Variants in CLEC12B observed in about 807,000 individuals in gnomAD.
CLEC12B encodes the protein macrophage antigen h.
Under a neutral mutation model 36.1 loss-of-function variants are expected in CLEC12B, and 25 were observed. The observed-to-expected ratio is 0.69, with a 90% CI of 0.50 to 0.97. The LOEUF is 0.97. Ranked by LOEUF, CLEC12B falls within the 50% of genes least tolerant of loss-of-function variation. The pLI, the probability that CLEC12B is intolerant of heterozygous loss-of-function variation, is 0.00. For synonymous variants in CLEC12B, 110 were observed against 108.5 expected (o/e 1.01, Z -0.09); for missense variants, 325 against 318.4 (o/e 1.02, Z -0.16).
intron 2 of CLEC12B, among the ~76,000 whole-genome samples, chr12:10,013,684 C>T (rs1042319157): frequency 1.3e-5 from 2 of 152,116 alleles, no homozygotes; most frequent in African/African-American, 2.4e-5. Context: ...TCCTCTGCTA[C>T]ATTCATTTCT....
chr12:10,016,866 C>T (rs1865498518), intron 5 of CLEC12B: 1 of 437,850 alleles, frequency 2.3e-6, no homozygotes, highest in African/African-American at 2.1e-5. Flanking sequence ...AACACTAGGT[C>T]TTACTTCTTC....
chr12:10,018,631 C>T lies in CLEC12B; in HGVS notation c.*150C>T. The stretch of plus-strand genomic sequence containing the variant: ...AAATGAACTTGTTTAACAGAACATT[C>T]TCCAGTTCCTTGTCTGACGTCTTCT... On this transcript the variant is annotated 3_prime_UTR_variant, in exon 6 of 6. Coordinates refer to ENST00000338896, the MANE Select transcript of CLEC12B (RefSeq NM_001129998.3). 1 of 655,172 alleles carries T rather than the reference C, an allele frequency of 1.5e-6. No individual in the cohort carries two copies. Among genetic ancestry groups the T allele is most frequent in the Non-Finnish European group, 2.6e-6 (1 of 385,816 alleles). The allele number at this position is 655,172 out of a possible 1,614,324, so 40.6% of individuals were successfully genotyped here.
chr12:10,008,653 C>T (rs1865257838), upstream of CLEC12B, among the ~76,000 whole-genome samples: 1 of 152,102 alleles, frequency 6.6e-6, no homozygotes, highest in Admixed American at 6.5e-5. Context: ...TATGATCATA[C>T]ACTAATAATG....
chr12:10,006,439 T>C (rs1432282240), upstream of CLEC12B, among the ~76,000 whole-genome samples: 1 of 151,452 alleles, frequency 6.6e-6, no homozygotes, highest in African/African-American at 2.4e-5. Context: ...CTATTCAATT[T>C]AGTTCATTCC....
At position 10,015,443 on chromosome 12, in the gene CLEC12B, T is replaced by C. The variant is rs140391913; in HGVS notation, c.564+37T>C. ...TCTCATTCTCTAGTTATAGACATTA[T>C]CCATACAATGAGAGAGAAATAAATA... On this transcript the variant is annotated intron_variant, in intron 4 of 5. Transcript: ENST00000338896. The C allele has an allele frequency of 1.4e-3, 2,172 of 1,590,026 alleles. 4 individuals are homozygous for C. Among genetic ancestry groups the C allele is most frequent in the Middle Eastern group, 5.7e-3 (34 of 5,936 alleles).
Position 10,015,356 on chromosome 12 carries a change from T to A in CLEC12B, c.514T>A (p.Cys172Ser). 1.2e-6 allele frequency: 2 copies of A among 1,613,460 alleles called. No homozygotes were observed. Among genetic ancestry groups the A allele is most frequent in the Non-Finnish European group, 1.7e-6 (2 of 1,179,618 alleles). Residue 172 changes from cysteine (C) to serine (S), a missense_variant, in exon 4 of 6, where the codon TGC becomes AGC. Transcript: ENST00000338896. ...EKTWANSRKD[C>S]IDKNSTLVKI... The stretch of plus-strand genomic sequence containing the variant: ...AACCTGGGCTAACAGTAGAAAGGAC[T>A]GCATAGACAAGAACTCCACCCTAGT...
intron 2 of CLEC12B, among the ~76,000 whole-genome samples, chr12:10,013,664 T>C (rs1865395926): frequency 6.6e-6 from 1 of 152,190 alleles, no homozygotes; most frequent in Middle Eastern, 3.2e-3. Context: ...TGCTGAATGA[T>C]ACTAACATCT....
chr12:10,011,204 G>A (rs1490042030), intron 1 of CLEC12B, among the ~76,000 whole-genome samples: 1 of 152,144 alleles, frequency 6.6e-6, no homozygotes, highest in South Asian at 2.1e-4. Context: ...CCAGATTGGA[G>A]GCTTCTAAAA....
At chr12:10,013,683 A>C (rs1009518127) in intron 2 of CLEC12B, among the ~76,000 whole-genome samples, 1 of 152,194 alleles carries the variant, frequency 6.6e-6, no homozygotes, top group Non-Finnish European at 1.5e-5. Context: ...CTCCTCTGCT[A>C]CATTCATTTC....
chr12:10,015,173 T>C, intron 3 of CLEC12B, 79 bp from the exon 4 acceptor site: 1 of 1,185,174 alleles, frequency 8.4e-7, no homozygotes, highest in South Asian at 1.5e-5. Flanking sequence ...ATTGTTCAAT[T>C]ACATGATTTT....
chr12:10,010,696 T>C lies in CLEC12B; in HGVS notation c.-64T>C. ...GCTCCCAGCCTTGAAAAACACATGC[T>C]GTTCCCAGGCCTCAAGATATTGAAA... On this transcript the variant is annotated 5_prime_UTR_variant, in exon 1 of 6. Transcript: ENST00000338896. 2 of 1,072,328 alleles carry C rather than the reference T, an allele frequency of 1.9e-6. No homozygotes were observed. Among genetic ancestry groups the C allele is most frequent in the Non-Finnish European group, 2.8e-6 (2 of 713,720 alleles). The allele number at this position is 1,072,328 out of a possible 1,614,324, so 66.4% of individuals were successfully genotyped here.
chr12:10,006,576 A>G (rs1430525802), upstream of CLEC12B, among the ~76,000 whole-genome samples: 1 of 152,162 alleles, frequency 6.6e-6, no homozygotes, highest in Non-Finnish European at 1.5e-5. Context: ...GTGAAGCAAA[A>G]GGAAAACCAA....
chr12:10,014,400 T>C (rs1865419626), intron 2 of CLEC12B, 123 bp from the exon 3 acceptor site: 1 of 642,256 alleles, frequency 1.6e-6, no homozygotes. Context: ...TCTTTCATGA[T>C]ACCTCAAATA....
chr12:10,014,241 G>A (rs1009495322), intron 2 of CLEC12B, among the ~76,000 whole-genome samples: 3 of 152,134 alleles, frequency 2.0e-5, no homozygotes, highest in Non-Finnish European at 4.4e-5. Flanking sequence ...TCATGAAAAT[G>A]AGTGGCAGAA....
At chr12:10,013,573 G>C (rs1472949027) in intron 2 of CLEC12B, 1 of 152,610 alleles carries the variant, frequency 6.6e-6, no homozygotes, top group Non-Finnish European at 1.5e-5. Context: ...AACTTTATAG[G>C]GTTGTTAAGT....
chr12:10,009,143 C>A (rs566126599), upstream of CLEC12B, among the ~76,000 whole-genome samples: 1 of 152,094 alleles, frequency 6.6e-6, no homozygotes, highest in East Asian at 1.9e-4. Context: ...GCCACCCCAG[C>A]CAGCAGCAGC....
chr12:10,010,715 A>G lies in CLEC12B; in HGVS notation c.-45A>G. On this transcript the variant is annotated 5_prime_UTR_variant, in exon 1 of 6. The change creates a new upstream start codon in the 5' untranslated region. Transcript: ENST00000338896. ...ACATGCTGTTCCCAGGCCTCAAGATATTGAAACATTAATTAGATAATTTAA... is the reference window on the plus strand; with the variant it reads ...ACATGCTGTTCCCAGGCCTCAAGATGTTGAAACATTAATTAGATAATTTAA... 7.7e-7 allele frequency: 1 copy of G among 1,291,656 alleles called. No homozygotes were observed. The highest frequency in any genetic ancestry group is 1.2e-5 in the South Asian group (1 of 83,084). 80.0% of individuals were successfully genotyped at this position (1,291,656 alleles called of 1,614,324 possible). A position where few individuals can be genotyped will look rare whatever the true frequency, so the allele number is the denominator to read the frequency against.
chr12:10,012,774 G>C lies in CLEC12B; in HGVS notation c.92-11G>C, dbSNP rs115336361. 2.9e-3 allele frequency: 4,694 copies of C among 1,609,650 alleles called. 118 individuals carry two copies. In the African/African-American group the frequency reaches 0.053, roughly 18 times the overall value. ...GTTCTGTGTGCTGATTGCTCTTTTG[G>C]CTTTCTCCAGGGCATCCAGCTCCAT... is the stretch of plus-strand genomic sequence containing the variant. On this transcript the variant is annotated splice_polypyrimidine_tract_variant and intron_variant, in intron 1 of 5. Transcript: ENST00000338896.
chr12:10,010,965 T>C, intron 1 of CLEC12B, 115 bp downstream of exon 1: 1 of 619,730 alleles, frequency 1.6e-6, no homozygotes. Context: ...ATCTCCAAAA[T>C]GGGGACAAAT....
Sources: allele counts gnomAD v4.1 joint callset (sites outside exome capture counted in the v4.1 genomes callset), GRCh38; gene constraint gnomAD v4.1.1; transcripts MANE v1.5; gene names NCBI Gene and HGNC (gene_info 2026-07-23, HGNC 2026-07-21).